The following STX8 variants were observed in gnomAD, a reference collection of about 807,000 sequenced individuals.
The protein encoded by STX8 is syntaxin 8, also known as syntaxin-8.
STX8 carries 23 observed loss-of-function variants against 37.5 expected under a neutral mutation model. The ratio of observed to expected loss-of-function variants is 0.61; its 90% CI spans 0.44 to 0.87. The LOEUF (loss-of-function observed/expected upper bound fraction) is 0.87, where lower values mean the gene tolerates loss of function less well. STX8 is among the 40% of genes least tolerant of loss of function. The pLI is 0.00. For synonymous variants in STX8, 115 were observed against 99.1 expected, an observed-to-expected ratio of 1.16 and a Z score of -0.95; for missense variants, 313 against 284.7, an observed-to-expected ratio of 1.10 and a Z score of -0.71.
intron 4 of STX8, among the ~76,000 whole-genome samples, chr17:9,521,867 T>C (rs1162501323): frequency 6.6e-6 from 1 of 152,242 alleles, no homozygotes; most frequent in African/African-American, 2.4e-5. Flanking sequence ...AATTTCACTA[T>C]AGCACCTTTA....
At chr17:9,482,277 TCTGTA>T (rs1407330200) in intron 6 of STX8, among the ~76,000 whole-genome samples, 1 of 152,194 alleles carries the variant, frequency 6.6e-6, no homozygotes, top group Non-Finnish European at 1.5e-5. Context: ...TCATATTTCA[TCTGTA>T]CTATTTTTCT....
At chr17:9,375,582 A>G (rs1357997195) in intron 7 of STX8, among the ~76,000 whole-genome samples, 1 of 152,208 alleles carries the variant, frequency 6.6e-6, no homozygotes, top group Non-Finnish European at 1.5e-5. Context: ...TGCTCTAGAC[A>G]TATAGTAACG....
At chr17:9,424,417 C>T (rs1054981087) in intron 6 of STX8, among the ~76,000 whole-genome samples, 2 of 152,088 alleles carry the variant, frequency 1.3e-5, no homozygotes, top group African/African-American at 4.8e-5. Flanking sequence ...TCCCTGTCAA[C>T]AGGCAAACAG....
chr17:9,444,325 G>A (rs1009152220), intron 6 of STX8, among the ~76,000 whole-genome samples: 11 of 152,128 alleles, frequency 7.2e-5, no homozygotes, highest in African/African-American at 2.4e-4. Flanking sequence ...CTCTAACAAC[G>A]CAAAGCGCAT....
intron 7 of STX8, among the ~76,000 whole-genome samples, chr17:9,352,704 G>A (rs547018270): frequency 9.3e-5 from 14 of 150,672 alleles, no homozygotes; most frequent in East Asian, 4.0e-4. Context: ...GGGTTTCACC[G>A]TGTTAGCCAG....
intron 6 of STX8, among the ~76,000 whole-genome samples, chr17:9,458,101 T>C (rs1218717809): frequency 6.6e-6 from 1 of 152,270 alleles, no homozygotes; most frequent in Non-Finnish European, 1.5e-5. Flanking sequence ...ATTCTAGTTA[T>C]GGTTACCTCT....
chr17:9,361,714 T>C (rs1911069540), intron 7 of STX8, among the ~76,000 whole-genome samples: 1 of 152,232 alleles, frequency 6.6e-6, no homozygotes, highest in African/African-American at 2.4e-5. Flanking sequence ...ATGTCACAAC[T>C]AACATGAAAG....
chr17:9,551,015 C>T (rs1906739567), intron 3 of STX8, among the ~76,000 whole-genome samples: 1 of 152,132 alleles, frequency 6.6e-6, no homozygotes, highest in South Asian at 2.1e-4. Context: ...GCGGTGGTTG[C>T]AGTGAGCTGA....
At chr17:9,257,097 C>T (rs1358975153) in intron 7 of STX8, among the ~76,000 whole-genome samples, 2 of 152,198 alleles carry the variant, frequency 1.3e-5, no homozygotes, top group Admixed American at 6.5e-5. Context: ...ATTTTCCCTT[C>T]CAATACTCAA....
At chr17:9,333,173 T>C (rs2142220169) in intron 7 of STX8, among the ~76,000 whole-genome samples, 1 of 152,048 alleles carries the variant, frequency 6.6e-6, no homozygotes, top group South Asian at 2.1e-4. Context: ...GACACTGAGG[T>C]TTAAGGTACG....
At chr17:9,541,327 G>C (rs1411435782) in intron 4 of STX8, among the ~76,000 whole-genome samples, 1 of 152,116 alleles carries the variant, frequency 6.6e-6, no homozygotes, top group Non-Finnish European at 1.5e-5. Flanking sequence ...AGAGGACCAG[G>C]TGCAGCGTAT....
rs1911673308 is a variant in STX8, at chr17:9,378,391, G to C, written c.643+161C>G. 4.9e-6 allele frequency: 3 copies of C among 615,314 alleles called. No homozygotes were observed. In the Admixed American group the frequency reaches 8.5e-5, roughly 17 times the overall value. The allele number at this position is 615,314 out of a possible 1,614,324, so 38.1% of individuals were successfully genotyped here. On this transcript the variant is annotated intron_variant, in intron 7 of 7. Transcript: ENST00000306357. ...TTTGAACTCCATTTCATTTTGACCAGATTTAACCATTGTTTAGCAATTTCA... is the reference window on the plus strand; with the variant it reads ...TTTGAACTCCATTTCATTTTGACCACATTTAACCATTGTTTAGCAATTTCA...
At chr17:9,533,221 G>A (rs1196175152) in intron 4 of STX8, among the ~76,000 whole-genome samples, 1 of 152,176 alleles carries the variant, frequency 6.6e-6, no homozygotes, top group African/African-American at 2.4e-5. Context: ...TAATGCCACG[G>A]CTTTCGGTGG....
chr17:9,300,192 A>T (rs941624712), intron 7 of STX8, among the ~76,000 whole-genome samples: 1 of 152,026 alleles, frequency 6.6e-6, no homozygotes, highest in Non-Finnish European at 1.5e-5. Flanking sequence ...TTAGCCGGGC[A>T]TGGTGGCGCA....
intron 5 of STX8, among the ~76,000 whole-genome samples, chr17:9,499,209 G>A (rs1352163468): frequency 6.6e-6 from 1 of 152,154 alleles, no homozygotes; most frequent in Non-Finnish European, 1.5e-5. Context: ...AGTCAGAAAT[G>A]ACCTTTTGTG....
chr17:9,569,239 G>A (rs561652581), intron 1 of STX8, among the ~76,000 whole-genome samples: 2 of 152,308 alleles, frequency 1.3e-5, no homozygotes, highest in East Asian at 3.9e-4. Flanking sequence ...CTCTTTCAAG[G>A]AGCTCATATT....
At chr17:9,422,382 C>CA (rs1297895683) in intron 6 of STX8, among the ~76,000 whole-genome samples, 1 of 152,220 alleles carries the variant, frequency 6.6e-6, no homozygotes, top group African/African-American at 2.4e-5. Context: ...GCTGGGATTA[C>CA]AGGTGTGAGC....
At chr17:9,540,611 TC>T (rs1906240813) in intron 4 of STX8, 1 of 152,232 alleles carries the variant, frequency 6.6e-6, no homozygotes, top group Admixed American at 6.5e-5. Context: ...CACATTGGTT[TC>T]CCGCTCTTGG....
intron 4 of STX8, among the ~76,000 whole-genome samples, chr17:9,506,421 AC>A (rs67803513): frequency 3.1e-5 from 1 of 32,238 alleles, no homozygotes; most frequent in African/African-American, 1.0e-4. Flanking sequence ...CCCCCCCCCC[AC>A]CCACCTTTCT....
Sources: gnomAD v4.1 joint callset for allele counts (sites outside exome capture counted in the v4.1 genomes callset) on GRCh38, gnomAD v4.1.1 for gene constraint, MANE v1.5 for transcripts, NCBI Gene and HGNC (gene_info 2026-07-23, HGNC 2026-07-21) for gene names.